Variants in CDKL5 observed in about 807,000 individuals in gnomAD.
CDKL5 encodes cyclin dependent kinase like 5.
Under a neutral mutation model 61.7 loss-of-function variants are expected in CDKL5, and 8 were observed. The ratio of observed to expected loss-of-function variants is 0.13; its 90% confidence interval spans 0.08 to 0.23. The LOEUF is 0.23. Ranked by LOEUF, CDKL5 falls within the 10% of genes least tolerant of loss-of-function variation. CDKL5 has a pLI of 1.00. For missense variants in CDKL5, 440 were observed against 734.5 expected (o/e 0.60, Z 4.63); for synonymous variants, 275 against 272.3 (o/e 1.01, Z -0.10).
In CDKL5 at chrX:18,638,847, T is replaced by G. The variant is rs1380062026; in HGVS notation, c.*10090T>G. ...TACAAAGCTACAATAATGAAGAAAG[T>G]GAGGTAATAGAATTTGGAGTCCAGA... On this transcript the variant is annotated 3_prime_UTR_variant, in exon 18 of 18. Coordinates refer to ENST00000623535, the MANE Select transcript of CDKL5 (RefSeq NM_001323289.2). 8.9e-6 allele frequency among the ~76,000 whole-genome samples: 1 copy of G among 111,814 alleles called. No homozygotes were observed. The highest frequency in any genetic ancestry group is 9.5e-5 in the Admixed American group (1 of 10,474).
chrX:18,558,478 TC>T (rs1304682465), intron 3 of CDKL5, among the ~76,000 whole-genome samples: 1 of 111,987 alleles, frequency 8.9e-6, no homozygotes, highest in Non-Finnish European at 1.9e-5. Context: ...GCGTGTTACT[TC>T]CTACCTCTCC....
intron 8 of CDKL5, chrX:18,587,668 T>C: frequency 3.0e-6 from 1 of 335,940 alleles, no homozygotes; most frequent in Non-Finnish European, 5.3e-6. Context: ...GTATACTGTA[T>C]TAGGGTTTAT....
intron 1 of CDKL5, among the ~76,000 whole-genome samples, chrX:18,494,366 G>A (rs1426110372): frequency 8.9e-6 from 1 of 112,265 alleles, no homozygotes; most frequent in Non-Finnish European, 1.9e-5. Context: ...TCCTGCCTCA[G>A]CCTTCCAAGT....
chrX:18,605,043 T>TTGTTTTG (rs1384369986), intron 12 of CDKL5, among the ~76,000 whole-genome samples, 175 bp downstream of exon 12: 2 of 112,143 alleles, frequency 1.8e-5, no homozygotes, highest in Non-Finnish European at 3.8e-5. Context: ...TTTTTGTTTT[T>TTGTTTTG]TAAATCTATT....
At chrX:18,494,929 G>A (rs980595850) in intron 1 of CDKL5, among the ~76,000 whole-genome samples, 3 of 111,965 alleles carry the variant, frequency 2.7e-5, no homozygotes, top group African/African-American at 9.7e-5. Flanking sequence ...CATCTAGAAA[G>A]AAAACTAAGT....
At chrX:18,587,496 C>T (rs1270586878) in intron 8 of CDKL5, among the ~76,000 whole-genome samples, 3 of 111,687 alleles carry the variant, frequency 2.7e-5, no homozygotes, top group African/African-American at 9.7e-5. Context: ...GTTAAGGAAA[C>T]ACATAAATCA....
chrX:18,589,174 G>T (rs1925742170), intron 9 of CDKL5: 1 of 109,656 alleles, frequency 9.1e-6, no homozygotes, highest in Non-Finnish European at 1.9e-5. Flanking sequence ...TAAGTTCTAG[G>T]GTACATGTGC....
chrX:18,457,448 T>A (rs1932168176), intron 1 of CDKL5: 1 of 111,546 alleles, frequency 9.0e-6, no homozygotes, highest in African/African-American at 3.3e-5. Context: ...CGGAGCTCTA[T>A]TGTAGGCATA....
intron 11 of CDKL5, among the ~76,000 whole-genome samples, chrX:18,601,792 G>A (rs964340877): frequency 8.9e-6 from 1 of 112,302 alleles, no homozygotes. Flanking sequence ...GCTTAACGTC[G>A]CTAACAGTGT....
intron 15 of CDKL5, 150 bp downstream of exon 15, chrX:18,613,425 C>T: frequency 1.9e-6 from 1 of 515,389 alleles, no homozygotes; most frequent in Non-Finnish European, 3.0e-6. Flanking sequence ...TGTGATTTTT[C>T]ATTATTGGTA....
intron 3 of CDKL5, among the ~76,000 whole-genome samples, chrX:18,530,360 A>T (rs1266028346): frequency 1.8e-5 from 2 of 109,998 alleles, no homozygotes; most frequent in East Asian, 5.7e-4. Context: ...AAAGAAAAAA[A>T]ATTTCTTTTT....
At chrX:18,528,827 G>T (rs1301861208) in intron 3 of CDKL5, among the ~76,000 whole-genome samples, 1 of 110,681 alleles carries the variant, frequency 9.0e-6, no homozygotes, top group Non-Finnish European at 1.9e-5. Flanking sequence ...TAGAGACAGG[G>T]TTTTGCCATG....
chrX:18,613,019 T>A, intron 14 of CDKL5, 133 bp from the exon 15 acceptor site: 1 of 435,656 alleles, frequency 2.3e-6, no homozygotes. Context: ...TGCTTGAGCC[T>A]GGGAGGTCAA....
chrX:18,577,788 A>G (rs929100109), intron 5 of CDKL5, among the ~76,000 whole-genome samples: 3 of 112,254 alleles, frequency 2.7e-5, no homozygotes, highest in African/African-American at 9.7e-5. Context: ...GGAATTTAGA[A>G]TAGAATGTGA....
At chrX:18,452,834 T>G (rs1285601348) in intron 1 of CDKL5, among the ~76,000 whole-genome samples, 2 of 82,456 alleles carry the variant, frequency 2.4e-5, no homozygotes, top group African/African-American at 9.1e-5. Context: ...TTTTTTTTTT[T>G]TTTTTTTTTT....
chrX:18,554,448 C>T (rs1336172614), intron 3 of CDKL5, among the ~76,000 whole-genome samples: 1 of 95,480 alleles, frequency 1.0e-5, no homozygotes, highest in Non-Finnish European at 2.1e-5. Flanking sequence ...CAGAGTCTCA[C>T]TCTGTCGCCC....
chrX:18,429,261 A>G (rs954256377), intron 1 of CDKL5, among the ~76,000 whole-genome samples: 13 of 111,969 alleles, frequency 1.2e-4, no homozygotes, highest in African/African-American at 1.6e-4. Context: ...ATGATTGTCA[A>G]TACTTTGAAT....
intron 3 of CDKL5, among the ~76,000 whole-genome samples, chrX:18,514,985 G>C (rs947318127): frequency 9.0e-6 from 1 of 110,533 alleles, no homozygotes; most frequent in African/African-American, 3.3e-5. Flanking sequence ...TTTCAGTAGA[G>C]ACGGGGCTTC....
intron 1 of CDKL5, among the ~76,000 whole-genome samples, chrX:18,454,317 A>T (rs1367442926): frequency 4.7e-5 from 5 of 106,462 alleles, no homozygotes; most frequent in African/African-American, 6.9e-5. Context: ...GCTCACTGCA[A>T]CCTCCGCTTC....
Sources: allele counts gnomAD v4.1 joint callset (sites outside exome capture counted in the v4.1 genomes callset), GRCh38; gene constraint gnomAD v4.1.1; transcripts MANE v1.5; gene names NCBI Gene and HGNC (gene_info 2026-07-23, HGNC 2026-07-21).